Variants in MID1 observed in about 807,000 individuals in gnomAD.
The protein encoded by MID1 is midline 1, also known as E3 ubiquitin-protein ligase Midline-1.
MID1 carries 7 observed loss-of-function variants against 40.4 expected under a neutral mutation model. The observed-to-expected ratio is 0.17, with a 90% CI of 0.10 to 0.33. The LOEUF (loss-of-function observed/expected upper bound fraction) is 0.33, where lower values mean the gene tolerates loss of function less well. Ranked by LOEUF, MID1 falls within the 10% of genes least tolerant of loss-of-function variation. The pLI is 1.00. For synonymous variants in MID1, 229 were observed against 221.2 expected (o/e 1.04, Z -0.31); for missense variants, 367 against 558.5 (o/e 0.66, Z 3.46).
intron 2 of MID1, among the ~76,000 whole-genome samples, chrX:10,552,017 T>C (rs1163077226): frequency 9.0e-6 from 1 of 110,926 alleles, no homozygotes; most frequent in Admixed American, 9.6e-5. Context: ...GTTGAACTCC[T>C]GGGCTCAAGC....
chrX:10,553,738 T>C (rs1934016512), intron 2 of MID1, among the ~76,000 whole-genome samples: 1 of 111,729 alleles, frequency 9.0e-6, no homozygotes, highest in Admixed American at 9.5e-5. Flanking sequence ...TCCATATGGA[T>C]TTCCATATTT....
intron 4 of MID1, among the ~76,000 whole-genome samples, chrX:10,493,038 G>A (rs1931036032): frequency 9.0e-6 from 1 of 111,641 alleles, no homozygotes; most frequent in Non-Finnish European, 1.9e-5. Context: ...GTGGTGGAGT[G>A]CCCTTGCAGG....
chrX:10,651,287 A>T (rs1432517876), intron 1 of MID1, among the ~76,000 whole-genome samples: 1 of 111,805 alleles, frequency 8.9e-6, no homozygotes, highest in Non-Finnish European at 1.9e-5. Flanking sequence ...GGCTTGACTG[A>T]CATAGGCACA....
intron 2 of MID1, among the ~76,000 whole-genome samples, chrX:10,546,737 A>C (rs922381901): frequency 1.8e-5 from 2 of 112,012 alleles, no homozygotes; most frequent in Admixed American, 9.5e-5. Context: ...ACAGTACTAG[A>C]AAATGACTCC....
chrX:10,687,904 A>G (rs751470714), intron 1 of MID1, among the ~76,000 whole-genome samples: 68 of 110,401 alleles, frequency 6.2e-4, no homozygotes, highest in Middle Eastern at 4.7e-3. Flanking sequence ...TTTTGTAGAG[A>G]TGGGGGTCTC....
intron 9 of MID1, among the ~76,000 whole-genome samples, chrX:10,450,059 CA>C (rs1928234993): frequency 8.9e-6 from 1 of 112,376 alleles, no homozygotes; most frequent in Admixed American, 9.4e-5. Flanking sequence ...CAGTGCTGAC[CA>C]AAAGAACTTT....
chrX:10,501,583 T>C, intron 3 of MID1: 1 of 1,121,121 alleles, frequency 8.9e-7, no homozygotes, highest in Non-Finnish European at 1.2e-6. Flanking sequence ...TATTACAAAA[T>C]TGAATAATGA....
At position 10,446,732 on chromosome X, in the gene MID1, G is replaced by A. The variant is rs1928054947; in HGVS notation, c.*2636C>T. 1 of 112,265 alleles carries A rather than the reference G, an allele frequency of 8.9e-6. No homozygotes were observed. The highest frequency in any genetic ancestry group is 1.9e-5 in the Non-Finnish European group (1 of 53,318). The allele number at this position is 112,265 out of a possible 1,213,427, so 9.3% of individuals were successfully genotyped here. On this transcript the variant is annotated 3_prime_UTR_variant, in exon 10 of 10. Transcript: ENST00000317552. ...GTTCAAAAATTGTTAAGAATTTCAA[G>A]ACATCAACAGCAGAGCATTAAATCA... is the stretch of plus-strand genomic sequence containing the variant.
intron 1 of MID1, among the ~76,000 whole-genome samples, chrX:10,590,134 T>C (rs1222825523): frequency 9.0e-6 from 1 of 111,096 alleles, no homozygotes; most frequent in African/African-American, 3.3e-5. Context: ...CTATAATCTA[T>C]AGATAACATC....
At chrX:10,598,753 C>T (rs1330707230) in intron 1 of MID1, among the ~76,000 whole-genome samples, 2 of 111,456 alleles carry the variant, frequency 1.8e-5, no homozygotes, top group Non-Finnish European at 3.8e-5. Flanking sequence ...ACAACCAGAG[C>T]GAGCTTGGCA....
intron 1 of MID1, among the ~76,000 whole-genome samples, chrX:10,609,596 T>C (rs963435783): frequency 2.7e-5 from 3 of 111,075 alleles, no homozygotes; most frequent in Admixed American, 9.5e-5. Flanking sequence ...TCTCTGATAG[T>C]GTGCTTCTAA....
chrX:10,581,141 C>T (rs1410696974), intron 1 of MID1, among the ~76,000 whole-genome samples: 1 of 110,127 alleles, frequency 9.1e-6, no homozygotes, highest in Non-Finnish European at 1.9e-5. Context: ...CCCAGCTACT[C>T]GGGAGGCTGA....
intron 1 of MID1, among the ~76,000 whole-genome samples, chrX:10,672,070 C>A (rs763529642): frequency 2.7e-5 from 3 of 110,596 alleles, no homozygotes; most frequent in Admixed American, 9.6e-5. Flanking sequence ...GCAAAAAATA[C>A]AAAAATTAGC....
chrX:10,719,845 C>CA (rs2043336032), intron 1 of MID1, among the ~76,000 whole-genome samples: 1 of 111,325 alleles, frequency 9.0e-6, no homozygotes, highest in East Asian at 2.8e-4. Context: ...GGTACCAAAA[C>CA]AGAGATACAG....
intron 1 of MID1, among the ~76,000 whole-genome samples, chrX:10,778,964 G>T: frequency 8.9e-6 from 1 of 112,881 alleles, no homozygotes; most frequent in Non-Finnish European, 1.9e-5. Context: ...TACCCACTTG[G>T]AATTCAAACC....
At chrX:10,728,120 C>T (rs1334174262) in intron 1 of MID1, among the ~76,000 whole-genome samples, 1 of 111,799 alleles carries the variant, frequency 8.9e-6, no homozygotes, top group African/African-American at 3.3e-5. Flanking sequence ...TTTATTGTCT[C>T]CTAGAAATAA....
At chrX:10,740,143 C>A (rs1290020228) in intron 1 of MID1, among the ~76,000 whole-genome samples, 1 of 110,994 alleles carries the variant, frequency 9.0e-6, no homozygotes, top group African/African-American at 3.3e-5. Flanking sequence ...TTTTCTTTTT[C>A]TTTTTTGCGA....
At chrX:10,574,320 G>A (rs1934817343) in intron 1 of MID1, among the ~76,000 whole-genome samples, 2 of 111,710 alleles carry the variant, frequency 1.8e-5, no homozygotes, top group Admixed American at 1.9e-4. Context: ...GCCAAGGAAT[G>A]CAGGCTAGAA....
At chrX:10,799,501 G>A (rs766759098) in intron 1 of MID1, among the ~76,000 whole-genome samples, 10 of 111,963 alleles carry the variant, frequency 8.9e-5, no homozygotes, top group Non-Finnish European at 1.1e-4. Context: ...GGCCAGATCC[G>A]AGTCCTTTGG....
Sources: allele counts gnomAD v4.1 joint callset (sites outside exome capture counted in the v4.1 genomes callset), GRCh38; gene constraint gnomAD v4.1.1; transcripts MANE v1.5; gene names NCBI Gene and HGNC (gene_info 2026-07-23, HGNC 2026-07-21).